Variants in CA10 observed in about 807,000 individuals in gnomAD.
The protein encoded by CA10 is carbonic anhydrase 10 (inactive), also known as carbonic anhydrase-related protein 10.
CA10 carries 14 observed loss-of-function variants against 44.2 expected under a neutral mutation model. The ratio of observed to expected loss-of-function variants is 0.32; its 90% confidence interval spans 0.21 to 0.50. CA10 has a LOEUF of 0.50. Ranked by LOEUF, CA10 falls within the 20% of genes least tolerant of loss-of-function variation. The probability of loss-of-function intolerance (pLI) is 0.99; values close to 1 mark genes in which losing one functional copy is unlikely to be tolerated. For synonymous variants in CA10, 159 were observed against 141.6 expected (o/e 1.12, Z -0.87); for missense variants, 350 against 409.7 (o/e 0.85, Z 1.26).
chr17:51,831,609 A>G (rs565616657), intron 3 of CA10, among the ~76,000 whole-genome samples: 1 of 151,958 alleles, frequency 6.6e-6, no homozygotes, highest in East Asian at 1.9e-4. Flanking sequence ...CAAGAAGAAA[A>G]GGAAAACAAA....
intron 2 of CA10, among the ~76,000 whole-genome samples, chr17:51,944,216 T>C (rs1202140753): frequency 6.6e-6 from 1 of 152,198 alleles, no homozygotes; most frequent in African/African-American, 2.4e-5. Context: ...TCCTGTGCTA[T>C]TTTAATGATC....
At chr17:52,159,006 A>G (rs1989884801), upstream of CA10, among the ~76,000 whole-genome samples, 1 of 152,146 alleles carries the variant, frequency 6.6e-6, no homozygotes, top group South Asian at 2.1e-4. Context: ...AGTCCCTGGC[A>G]GCCGCCTCCG....
chr17:51,978,051 T>C (rs1456153588), intron 2 of CA10, among the ~76,000 whole-genome samples: 1 of 152,122 alleles, frequency 6.6e-6, no homozygotes, highest in African/African-American at 2.4e-5. Context: ...TGATATACCA[T>C]GCTTAGGGTT....
rs564437961 is a variant in CA10 at position 51,935,438 on chromosome 17, C to T, written c.137-4306G>A. Among the ~76,000 whole-genome samples, 14 of 152,242 alleles carry T rather than the reference C, an allele frequency of 9.2e-5. No homozygotes were observed. In the East Asian group the frequency reaches 2.5e-3, roughly 27 times the overall value. ...TCTAATTAATGGACAACCAGTCTGA[C>T]GATGTTTGAATTCCATCATCCTTGG... On this transcript the variant is annotated intron_variant, in intron 2 of 8. Transcript: ENST00000451037.
chr17:51,727,337 GAGT>G (rs1916558969), intron 4 of CA10, among the ~76,000 whole-genome samples: 1 of 152,090 alleles, frequency 6.6e-6, no homozygotes, highest in African/African-American at 2.4e-5. Context: ...ATCACCTGTG[GAGT>G]AGGAGGGGTA....
intron 3 of CA10, among the ~76,000 whole-genome samples, chr17:51,920,377 A>T (rs998890048): frequency 6.6e-6 from 1 of 151,940 alleles, no homozygotes; most frequent in African/African-American, 2.4e-5. Context: ...GGGAGGGAGG[A>T]GGTTGGAGAT....
At chr17:51,724,047 G>A (rs114889256) in intron 4 of CA10, among the ~76,000 whole-genome samples, 1,726 of 152,258 alleles carry the variant, frequency 0.011, 38 homozygotes, top group African/African-American at 0.039. Flanking sequence ...AGGAGGATGA[G>A]GGGGGACTGG....
chr17:52,074,739 T>C (rs2143147319), intron 1 of CA10, among the ~76,000 whole-genome samples: 1 of 152,262 alleles, frequency 6.6e-6, no homozygotes, highest in Admixed American at 6.5e-5. Context: ...TATAATAATA[T>C]ATATTTCAAT....
chr17:51,682,123 A>C (rs1186514153), intron 4 of CA10, among the ~76,000 whole-genome samples: 1 of 152,180 alleles, frequency 6.6e-6, no homozygotes, highest in African/African-American at 2.4e-5. Context: ...CCTGTTCTCT[A>C]GGTAGGGACC....
At position 51,930,990 on chromosome 17, in the gene CA10, C is replaced by T; in HGVS notation, c.279G>A (p.Lys93=). 1.2e-6 allele frequency: 2 copies of T among 1,612,976 alleles called. No homozygotes were observed. Among genetic ancestry groups the T allele is most frequent in the Non-Finnish European group, 1.7e-6 (2 of 1,179,446 alleles). ...TPLRINTGGR[K]VSGTMYNTGR... ...CCATGGAAGCAATATGGTGGCTTAC[C>T]TTCCTGCCCCCCGTGTTGATGCGAA... Residue 93 remains lysine, a splice_region_variant and synonymous_variant, in exon 3 of 9, where the codon AAG becomes AAA. Transcript: ENST00000451037.
rs139759369 is a variant in CA10 at position 52,098,271 on chromosome 17, A to T, written c.62-25878T>A. On this transcript the variant is annotated intron_variant, in intron 1 of 8. Transcript: ENST00000451037. ...GAAAAATAGTCTAAGCACAGTGTTT[A>T]TCAAACCTCAGTGTGTGCATGAAAC... Among the ~76,000 whole-genome samples, 694 of 152,326 alleles carry T rather than the reference A, an allele frequency of 4.6e-3. 2 individuals carry two copies. The highest frequency in any genetic ancestry group is 0.016 in the African/African-American group (648 of 41,570).
chr17:52,038,057 G>T (rs2319635), intron 2 of CA10, among the ~76,000 whole-genome samples: 150,659 of 152,256 alleles, frequency 0.99, 74,560 homozygotes, highest in East Asian at 1. Flanking sequence ...GTATCCAAGT[G>T]CCTGGTATAC....
chr17:51,922,575 A>C (rs1982276146), intron 3 of CA10, among the ~76,000 whole-genome samples: 1 of 152,138 alleles, frequency 6.6e-6, no homozygotes, highest in African/African-American at 2.4e-5. Context: ...TCTACATGCC[A>C]TTTAACAATA....
At chr17:51,937,569 G>C (rs1286763657) in intron 2 of CA10, among the ~76,000 whole-genome samples, 1 of 152,024 alleles carries the variant, frequency 6.6e-6, no homozygotes. Context: ...GAACCTCTAA[G>C]GAATTGCATA....
At chr17:51,707,661 G>A (rs1915801498) in intron 4 of CA10, among the ~76,000 whole-genome samples, 1 of 143,068 alleles carries the variant, frequency 7.0e-6, no homozygotes, top group South Asian at 2.3e-4. Flanking sequence ...GGGAAGGAAA[G>A]TGGATGAATA....
intron 1 of CA10, among the ~76,000 whole-genome samples, chr17:52,085,795 G>A (rs753656447): frequency 6.6e-6 from 1 of 152,102 alleles, no homozygotes; most frequent in African/African-American, 2.4e-5. Context: ...ACCAACCCTA[G>A]TCAGACTGAA....
At chr17:51,977,530 G>C (rs1219689298) in intron 2 of CA10, among the ~76,000 whole-genome samples, 1 of 151,854 alleles carries the variant, frequency 6.6e-6, no homozygotes, top group Non-Finnish European at 1.5e-5. Context: ...TAGAAATGGG[G>C]GGAAGTCTTC....
At chr17:51,777,350 C>T (rs759118763) in intron 3 of CA10, among the ~76,000 whole-genome samples, 155 of 152,210 alleles carry the variant, frequency 1.0e-3, no homozygotes, top group African/African-American at 3.4e-3. Flanking sequence ...ATAAAAACAA[C>T]GTATTTCACT....
intron 2 of CA10, among the ~76,000 whole-genome samples, chr17:51,948,690 G>A (rs991119331): frequency 6.6e-5 from 10 of 152,038 alleles, no homozygotes; most frequent in African/African-American, 2.4e-4. Flanking sequence ...TCTTTTATGT[G>A]TGTGCCTTTC....
Sources: allele counts gnomAD v4.1 joint callset (sites outside exome capture counted in the v4.1 genomes callset), GRCh38; gene constraint gnomAD v4.1.1; transcripts MANE v1.5; gene names NCBI Gene and HGNC (gene_info 2026-07-23, HGNC 2026-07-21).